The following DIP2C variants were observed in gnomAD, a reference collection of about 807,000 sequenced individuals.
DIP2C encodes disco-interacting protein 2 homolog C.
In DIP2C, 33 loss-of-function variants were observed where a neutral mutation model predicts 192.4. The observed-to-expected ratio is 0.17, with a 90% confidence interval of 0.13 to 0.23. The LOEUF (loss-of-function observed/expected upper bound fraction) is 0.23, where lower values mean the gene tolerates loss of function less well. Ranked by LOEUF, DIP2C falls within the 10% of genes least tolerant of loss-of-function variation. The probability of loss-of-function intolerance (pLI) is 1.00; values close to 1 mark genes in which losing one functional copy is unlikely to be tolerated. For synonymous variants in DIP2C, 979 were observed against 864.1 expected (o/e 1.13, Z -2.33); for missense variants, 1,537 against 2,110.1 (o/e 0.73, Z 5.32).
At chr10:319,711 A>G (rs1296517668) in intron 31 of DIP2C, among the ~76,000 whole-genome samples, 4 of 152,232 alleles carry the variant, frequency 2.6e-5, no homozygotes, top group African/African-American at 9.6e-5. Flanking sequence ...TTTATCATAA[A>G]TTTAGTAAAT....
chr10:341,426 G>A (rs558345204), intron 28 of DIP2C, 97 bp from the exon 29 acceptor site: 104 of 1,531,392 alleles, frequency 6.8e-5, no homozygotes, highest in Non-Finnish European at 8.8e-5. Flanking sequence ...TGTGTTGAAC[G>A]CATCGGACCT....
intron 3 of DIP2C, among the ~76,000 whole-genome samples, chr10:448,341 C>A (rs1301159573): frequency 7.1e-6 from 1 of 140,610 alleles, no homozygotes; most frequent in African/African-American, 3.0e-5. Context: ...GGATCACACA[C>A]AGTGGGGCAG....
intron 22 of DIP2C, among the ~76,000 whole-genome samples, chr10:362,061 T>TG (rs1436406423): frequency 4.0e-4 from 59 of 146,526 alleles, no homozygotes; most frequent in African/African-American, 1.2e-3. Context: ...AACAATGGTG[T>TG]GGGGGAAAAA....
Position 486,469 on chromosome 10 carries a change from C to A in DIP2C, c.147G>T (p.Pro49=), listed in dbSNP as rs751892803. Residue 49 remains proline (P), a synonymous_variant, in exon 2 of 37, where the codon CCG becomes CCT. Coordinates refer to ENST00000280886, the MANE Select transcript of DIP2C (RefSeq NM_014974.3). ...KRSKLIGAYL[P]QPPRVDQALP... ...ATGGGGGTTACCTACTCGGAGGCTGCGGAAGGTAGGCTCCAATTAACTTTG... is the reference window on the plus strand; with the variant it reads ...ATGGGGGTTACCTACTCGGAGGCTGAGGAAGGTAGGCTCCAATTAACTTTG... The A allele has an allele frequency of 6.3e-7, 1 of 1,599,198 alleles. No individual in the cohort carries two copies. Among genetic ancestry groups the A allele is most frequent in the Non-Finnish European group, 8.5e-7 (1 of 1,173,068 alleles).
chr10:684,782 G>A (rs990650015), intron 1 of DIP2C, among the ~76,000 whole-genome samples: 11 of 152,122 alleles, frequency 7.2e-5, no homozygotes, highest in African/African-American at 2.7e-4. Flanking sequence ...CGACAGCAAC[G>A]TGCAGGCTGT....
chr10:372,752 G>A (rs1961130389), intron 17 of DIP2C, among the ~76,000 whole-genome samples: 1 of 152,048 alleles, frequency 6.6e-6, no homozygotes, highest in East Asian at 1.9e-4. Flanking sequence ...AGAAGCACGG[G>A]TGCTCCCGAC....
intron 1 of DIP2C, among the ~76,000 whole-genome samples, chr10:542,248 A>G (rs1848035113): frequency 6.6e-6 from 1 of 152,138 alleles, no homozygotes; most frequent in African/African-American, 2.4e-5. Flanking sequence ...ATGCCAGGTG[A>G]CGGTAACATC....
At chr10:345,362 G>T (rs1041687584) in intron 26 of DIP2C, among the ~76,000 whole-genome samples, 2 of 5,632 alleles carry the variant, frequency 3.6e-4, no homozygotes, top group Non-Finnish European at 9.8e-3. Context: ...ACAGCGTTGT[G>T]ACATGTGCAG....
chr10:274,438 G>A lies in DIP2C; in HGVS notation c.*2887C>T, dbSNP rs1954415647. The A allele has an allele frequency of 1.3e-5, 2 of 152,154 alleles. No homozygotes were observed. Among genetic ancestry groups the A allele is most frequent in the East Asian group, 1.9e-4 (1 of 5,204 alleles). The allele number at this position is 152,154 out of a possible 1,614,324, so 9.4% of individuals were successfully genotyped here. On this transcript the variant is annotated 3_prime_UTR_variant, in exon 37 of 37. Coordinates refer to ENST00000280886, the MANE Select transcript of DIP2C (RefSeq NM_014974.3). Reference sequence around the variant, plus strand: ...AGCTGTCCCAGACATCTTTCCAGGGGACCAATTAAGAAACTGCTATTTTCA... The same window carrying A: ...AGCTGTCCCAGACATCTTTCCAGGGAACCAATTAAGAAACTGCTATTTTCA...
intron 14 of DIP2C, among the ~76,000 whole-genome samples, chr10:387,478 G>T (rs934114506): frequency 6.7e-6 from 1 of 148,876 alleles, no homozygotes; most frequent in African/African-American, 2.5e-5. Context: ...CTCCTGTGTG[G>T]ACAGGCAGTG....
Position 413,932 on chromosome 10 carries a change from G to C in DIP2C, c.1038C>G (p.Pro346=), listed in dbSNP as rs768688282. 6.2e-7 allele frequency: 1 copy of C among 1,614,108 alleles called. No individual in the cohort carries two copies. Among genetic ancestry groups the C allele is most frequent in the Non-Finnish European group, 8.5e-7 (1 of 1,179,980 alleles). ...GATTACCGTAAGTGAGGATGTAGAG[G>C]GGCTTCCCGTTGGTGTCCATGGTGG... ...CLTTMDTNGK[P]LYILTYGKLW... is the part of the protein sequence containing the mutation. The change falls in exon 8 of 37, where the codon CCC becomes CCG. Residue 346 remains proline, a synonymous_variant. Transcript: ENST00000280886.
intron 2 of DIP2C, 125 bp downstream of exon 2, chr10:486,334 G>T: frequency 2.5e-6 from 2 of 804,432 alleles, no homozygotes; most frequent in East Asian, 2.6e-5. Context: ...ATGCCTGGAG[G>T]GTGAACGCCA....
rs1211130164 is a variant in DIP2C at position 689,096 on chromosome 10, G to C, written c.85+398C>G. On this transcript the variant is annotated intron_variant, in intron 1 of 36. Transcript: ENST00000280886. The surrounding 1 kb of genome is among the most constrained non-coding windows in gnomAD (Gnocchi z 6.1). ...AGCGCACGGGAAGGCCGATCCCGCC[G>C]GGCCCGCTGCATCCTGCGTCCCCGC... 6.6e-6 allele frequency among the ~76,000 whole-genome samples: 1 copy of C among 151,824 alleles called. No homozygotes were observed. Among genetic ancestry groups the C allele is most frequent in the Non-Finnish European group, 1.5e-5 (1 of 67,900 alleles).
intron 10 of DIP2C, among the ~76,000 whole-genome samples, chr10:391,677 G>A (rs750491684): frequency 8.5e-5 from 13 of 152,216 alleles, no homozygotes; most frequent in Non-Finnish European, 1.6e-4. Context: ...AAAACAGCCA[G>A]GGTTCCAGGA....
intron 3 of DIP2C, among the ~76,000 whole-genome samples, chr10:470,719 G>A (rs552357873): frequency 2.2e-4 from 34 of 152,198 alleles, no homozygotes; most frequent in Non-Finnish European, 3.2e-4. Context: ...CGACTGACGC[G>A]GATCTCCTGT....
intron 1 of DIP2C, among the ~76,000 whole-genome samples, chr10:536,502 A>AG (rs577981283): frequency 6.6e-6 from 1 of 151,682 alleles, no homozygotes; most frequent in Non-Finnish European, 1.5e-5. Flanking sequence ...TCACAGTCCC[A>AG]GGGGGGCCAG....
chr10:459,679 C>T (rs190108032), intron 3 of DIP2C, among the ~76,000 whole-genome samples: 4 of 151,120 alleles, frequency 2.6e-5, no homozygotes, highest in Admixed American at 6.6e-5. Flanking sequence ...CAGGGAACGG[C>T]GTGCTGCACG....
rs998380771 is a variant in DIP2C at position 689,421 on chromosome 10, C to T, written c.85+73G>A. 2.9e-5 allele frequency: 27 copies of T among 920,666 alleles called. No individual in the cohort carries two copies. Among genetic ancestry groups the T allele is most frequent in the Non-Finnish European group, 3.4e-5 (26 of 765,692 alleles). The allele number at this position is 920,666 out of a possible 1,614,324, so 57.0% of individuals were successfully genotyped here. A position where few individuals can be genotyped will look rare whatever the true frequency, so the allele number is the denominator to read the frequency against. On this transcript the variant is annotated intron_variant, in intron 1 of 36. Transcript: ENST00000280886. The surrounding 1 kb of genome is among the most constrained non-coding windows in gnomAD (Gnocchi z 6.1). ...CCGGCCCCCGCCCCGCCGCAGGCCC[C>T]GCGCCCCCAGCCCTCCGCGCGCGGC...
chr10:569,221 G>A (rs979505557), intron 1 of DIP2C, among the ~76,000 whole-genome samples: 3 of 152,188 alleles, frequency 2.0e-5, no homozygotes, highest in Non-Finnish European at 4.4e-5. Flanking sequence ...TGCCTACCCT[G>A]CCCTTTACAG....
Sources: allele counts gnomAD v4.1 joint callset (sites outside exome capture counted in the v4.1 genomes callset), GRCh38; gene constraint gnomAD v4.1.1; non-coding constraint Gnocchi (gnomAD v3.1); transcripts MANE v1.5; gene names NCBI Gene and HGNC (gene_info 2026-07-23, HGNC 2026-07-21).